The following CRYBG3 variants were observed in gnomAD, a reference collection of about 807,000 sequenced individuals.
CRYBG3 encodes very large A-kinase anchor protein.
Under a neutral mutation model 244.2 loss-of-function variants are expected in CRYBG3, and 127 were observed. The ratio of observed to expected loss-of-function variants is 0.52; its 90% CI spans 0.45 to 0.60. The LOEUF is 0.60. Among genes scored for constraint, CRYBG3 ranks in the 20% least tolerant of loss-of-function variants. The pLI, the probability that CRYBG3 is intolerant of heterozygous loss-of-function variation, is 0.00. For missense variants in CRYBG3, 3,325 were observed against 3,442.5 expected, an observed-to-expected ratio of 0.97 and a Z score of 0.85; for synonymous variants, 1,132 against 1,195.8, an observed-to-expected ratio of 0.95 and a Z score of 1.10.
At position 97,944,939 on chromosome 3, in the gene CRYBG3, T is replaced by G. The variant is rs1402960158; in HGVS notation, c.*1625T>G. The G allele has an allele frequency of 6.6e-6, 2 of 304,156 alleles. No individual in the cohort carries two copies. Among genetic ancestry groups the G allele is most frequent in the Non-Finnish European group, 1.2e-5 (2 of 166,368 alleles). The allele number at this position is 304,156 out of a possible 1,614,324, so 18.8% of individuals were successfully genotyped here. On this transcript the variant is annotated 3_prime_UTR_variant, in exon 22 of 22. Transcript: ENST00000389622. Reference sequence around the variant, plus strand: ...TGGAATTGTGCCTTTTCTACCACACTGGATTAAATAAACTTGTCAAAATAT... The same window carrying G: ...TGGAATTGTGCCTTTTCTACCACACGGGATTAAATAAACTTGTCAAAATAT...
In CRYBG3 at chr3:97,915,878, C is replaced by T. The variant is rs79288117; in HGVS notation, c.8241+142C>T. The T allele has an allele frequency of 3.8e-3, 2,500 of 661,164 alleles. 51 individuals are homozygous for T. The African/African-American group carries it at 0.042, about 11-fold the overall frequency. The allele number at this position is 661,164 out of a possible 1,614,324, so 41.0% of individuals were successfully genotyped here. ...AAATATGAATAATTCATTTGTCAAT[C>T]GTAAAACTGAGGTTCATTCATGAAC... On this transcript the variant is annotated intron_variant, in intron 17 of 21. Transcript: ENST00000389622.
Position 97,874,735 on chromosome 3 carries a change from G to A in CRYBG3, c.3541G>A (p.Ala1181Thr), listed in dbSNP as rs748165398. The A allele has an allele frequency of 1.3e-6, 2 of 1,535,904 alleles. No homozygotes were observed. The highest frequency in any genetic ancestry group is 2.4e-5 in the South Asian group (2 of 84,028). The change falls in exon 4 of 22, where the codon GCC becomes ACC. Residue 1181 changes from alanine (A) to threonine (T), a missense_variant. By Grantham distance (58) the Ala-to-Thr change is moderately conservative. Coordinates refer to ENST00000389622, the MANE Select transcript of CRYBG3 (RefSeq NM_153605.4). ...CSEASAEHIE[A>T]RRRAHDQLLD... ...TGAAGCCTCTGCTGAGCACATAGAA[G>A]CCAGGAGAAGAGCACATGACCAACT...
rs1229129171 is a variant in CRYBG3, at chr3:97,876,846, G to A, written c.5652G>A (p.Gly1884=). ...GTGLELTTKQ[G]EAMLPAFESK... is the part of the protein sequence containing the mutation. The stretch of plus-strand genomic sequence containing the variant: ...GACTAGAATTGACCACTAAACAAGG[G>A]GAGGCCATGCTTCCTGCATTTGAAA... Residue 1884 remains glycine, a synonymous_variant, in exon 4 of 22, where the codon GGG becomes GGA. Coordinates refer to ENST00000389622, the MANE Select transcript of CRYBG3 (RefSeq NM_153605.4). 7.3e-7 allele frequency: 1 copy of A among 1,375,512 alleles called. No homozygotes were observed. Among genetic ancestry groups the A allele is most frequent in the Admixed American group, 3.5e-5 (1 of 28,970 alleles). The allele number at this position is 1,375,512 out of a possible 1,614,324, so 85.2% of individuals were successfully genotyped here. A position where few individuals can be genotyped will look rare whatever the true frequency, so the allele number is the denominator to read the frequency against.
chr3:97,863,175 C>G (rs1251434188), intron 2 of CRYBG3, among the ~76,000 whole-genome samples: 1 of 152,122 alleles, frequency 6.6e-6, no homozygotes, highest in African/African-American at 2.4e-5. Context: ...CACACTTGAG[C>G]TTTCCTTTTA....
intron 4 of CRYBG3, among the ~76,000 whole-genome samples, chr3:97,878,394 A>G (rs2039408442): frequency 6.6e-6 from 1 of 152,236 alleles, no homozygotes. Flanking sequence ...TGGGCTATAG[A>G]GTGAGACTCC....
chr3:97,881,572 C>T (rs1169135703), intron 7 of CRYBG3, among the ~76,000 whole-genome samples: 3 of 151,390 alleles, frequency 2.0e-5, no homozygotes, highest in South Asian at 2.1e-4. Context: ...AAAAATTGGC[C>T]GGGCGTGGTG....
At position 97,872,776 on chromosome 3, in the gene CRYBG3, A is replaced by G; in HGVS notation, c.1582A>G (p.Arg528Gly). The G allele has an allele frequency of 6.5e-7, 1 of 1,535,958 alleles. No individual in the cohort carries two copies. Among genetic ancestry groups the G allele is most frequent in the South Asian group, 1.2e-5 (1 of 84,056 alleles). Reference protein sequence around the residue: ...SQKNVAVREIRRETESASAGE... With the variant: ...SQKNVAVREIGRETESASAGE... Reference sequence around the variant, plus strand: ...GAAAAATGTGGCTGTTAGAGAAATCAGGCGAGAAACAGAAAGTGCCTCAGC... The same window carrying G: ...GAAAAATGTGGCTGTTAGAGAAATCGGGCGAGAAACAGAAAGTGCCTCAGC... Residue 528 changes from arginine to glycine, a missense_variant, in exon 4 of 22, where the codon AGG becomes GGG. Physicochemically the swap from Arg to Gly is moderately radical, Grantham distance 125. Around this residue, in one of 4 missense-constraint regions of CRYBG3, gnomAD observed 1,526 missense variants for 1,443.2 expected, o/e 1.06. Coordinates refer to ENST00000389622, the MANE Select transcript of CRYBG3 (RefSeq NM_153605.4).
At chr3:97,869,280 T>G (rs2039273231) in intron 3 of CRYBG3, among the ~76,000 whole-genome samples, 1 of 152,198 alleles carries the variant, frequency 6.6e-6, no homozygotes. Context: ...ATTAAATGTT[T>G]AATCTTATTA....
chr3:97,888,310 ATACTTTAACT>A lies in CRYBG3; in HGVS notation c.7290-30_7290-21del, dbSNP rs749893406. ...AGAACCAGACTAAAGCAGTACTATT[ATACTTTAACT>A]AACTATCTATTTTTATATAGTTGGC... is the stretch of plus-strand genomic sequence containing the variant. On this transcript the variant is annotated intron_variant, in intron 8 of 21. Coordinates refer to ENST00000389622, the MANE Select transcript of CRYBG3 (RefSeq NM_153605.4). 3 of 1,342,026 alleles carry A rather than the reference ATACTTTAACT, an allele frequency of 2.2e-6. No homozygotes were observed. In the Admixed American group the frequency reaches 5.4e-5, roughly 24 times the overall value. 83.1% of individuals were successfully genotyped at this position (1,342,026 alleles called of 1,614,324 possible).
In CRYBG3 at chr3:97,872,399, C is replaced by T; in HGVS notation, c.1205C>T (p.Thr402Ile). The stretch of plus-strand genomic sequence containing the variant: ...TGCAGCCCAGATTTTCAGAGAGTAA[C>T]TACAACAGAAAATACGATAAAAGAA... ...VPCSPDFQRV[T>I]TTENTIKENS... The change falls in exon 4 of 22, where the codon ACT becomes ATT. Residue 402 changes from threonine (T) to isoleucine (I), a missense_variant. Physicochemically the swap from Thr to Ile is moderately conservative, Grantham distance 89. Transcript: ENST00000389622. 1 of 1,535,728 alleles carries T rather than the reference C, an allele frequency of 6.5e-7. No homozygotes were observed. The highest frequency in any genetic ancestry group is 8.7e-7 in the Non-Finnish European group (1 of 1,146,722).
At chr3:97,933,200 T>C in intron 17 of CRYBG3, 1 of 421,616 alleles carries the variant, frequency 2.4e-6, no homozygotes, top group South Asian at 1.7e-5. Flanking sequence ...ACCATTCTTG[T>C]GCATTTCAGC....
chr3:97,904,409 C>T (rs373296041), intron 15 of CRYBG3, among the ~76,000 whole-genome samples: 2 of 152,078 alleles, frequency 1.3e-5, no homozygotes, highest in African/African-American at 2.4e-5. Context: ...ATTATTTCTG[C>T]GTGTGTATAT....
chr3:97,891,215 A>G (rs1271319884), intron 10 of CRYBG3, among the ~76,000 whole-genome samples: 1 of 152,156 alleles, frequency 6.6e-6, no homozygotes, highest in Admixed American at 6.6e-5. Flanking sequence ...AGGAAGGTCT[A>G]TATTAAAATT....
At chr3:97,926,888 A>G (rs1051232994) in intron 17 of CRYBG3, among the ~76,000 whole-genome samples, 3 of 152,040 alleles carry the variant, frequency 2.0e-5, no homozygotes, top group Non-Finnish European at 4.4e-5. Context: ...TACAATGAAA[A>G]TTACAGAACA....
At chr3:97,893,119 A>C (rs2039600550) in intron 11 of CRYBG3, 126 bp downstream of exon 11, 4 of 812,350 alleles carry the variant, frequency 4.9e-6, no homozygotes, top group Non-Finnish European at 7.8e-6. Context: ...TGTAATATGG[A>C]AAGTAAAAAA....
intron 1 of CRYBG3, among the ~76,000 whole-genome samples, chr3:97,825,966 T>C (rs1025084499): frequency 6.6e-6 from 1 of 152,234 alleles, no homozygotes; most frequent in African/African-American, 2.4e-5. Flanking sequence ...TTTATTGATT[T>C]GAAGCACTAA....
rs2039367172 is a variant in CRYBG3, at chr3:97,876,024, G to A, written c.4830G>A (p.Glu1610=). ...MDAESCIEKT[E]GSAVILGMEK... ...CCGAGAGCTGTATTGAAAAAACTGA[G>A]GGATCAGCTGTCATTTTAGGAATGG... Residue 1610 remains glutamate (E), a synonymous_variant, in exon 4 of 22, where the codon GAG becomes GAA. Coordinates refer to ENST00000389622, the MANE Select transcript of CRYBG3 (RefSeq NM_153605.4). 1.6e-6 allele frequency: 2 copies of A among 1,232,016 alleles called. No homozygotes were observed. Among genetic ancestry groups the A allele is most frequent in the Non-Finnish European group, 2.0e-6 (2 of 987,918 alleles). The allele number at this position is 1,232,016 out of a possible 1,614,324, so 76.3% of individuals were successfully genotyped here.
At chr3:97,825,795 G>A (rs1374094016) in intron 1 of CRYBG3, among the ~76,000 whole-genome samples, 1 of 152,094 alleles carries the variant, frequency 6.6e-6, no homozygotes, top group African/African-American at 2.4e-5. Flanking sequence ...AATGAGCTGT[G>A]GTGTAGGAGG....
At chr3:97,842,487 A>G (rs1434960096) in intron 1 of CRYBG3, among the ~76,000 whole-genome samples, 1 of 152,020 alleles carries the variant, frequency 6.6e-6, no homozygotes, top group Admixed American at 6.6e-5. Flanking sequence ...CTTGAGCCCA[A>G]GAGGCTGCAA....
Sources: gnomAD v4.1 joint callset for allele counts (sites outside exome capture counted in the v4.1 genomes callset) on GRCh38, gnomAD v4.1.1 for gene constraint, gnomAD v4.1.1 regional missense constraint, MANE v1.5 for transcripts, NCBI Gene and HGNC (gene_info 2026-07-23, HGNC 2026-07-21) for gene names.